The following UIMC1 variants were observed in gnomAD, a reference collection of about 807,000 sequenced individuals.
UIMC1 encodes the protein BRCA1-A complex subunit RAP80.
Under a neutral mutation model 84.9 loss-of-function variants are expected in UIMC1, and 42 were observed. The observed-to-expected ratio is 0.49, with a 90% CI of 0.39 to 0.64. The LOEUF (loss-of-function observed/expected upper bound fraction) is 0.64, where lower values mean the gene tolerates loss of function less well. Among genes scored for constraint, UIMC1 ranks in the 30% least tolerant of loss-of-function variants. The probability of loss-of-function intolerance (pLI) is 0.00; values close to 1 mark genes in which losing one functional copy is unlikely to be tolerated. For synonymous variants in UIMC1, 281 were observed against 293.0 expected (o/e 0.96, Z 0.42); for missense variants, 825 against 847.6 (o/e 0.97, Z 0.33).
chr5:177,008,179 G>A (rs539913390), upstream of UIMC1, among the ~76,000 whole-genome samples: 6 of 151,890 alleles, frequency 4.0e-5, no homozygotes, highest in Non-Finnish European at 8.8e-5. Context: ...ATCGAACGTG[G>A]AACTACAGGC....
At position 176,945,863 on chromosome 5, in the gene UIMC1, A is replaced by T. The variant is rs193192512; in HGVS notation, c.1444-2375T>A. Reference sequence around the variant, plus strand: ...GTTACTGCTGATTAATATCTTGCTAATCATAGGTTATGGAAAGATTGTGTT... The same window carrying T: ...GTTACTGCTGATTAATATCTTGCTATTCATAGGTTATGGAAAGATTGTGTT... On this transcript the variant is annotated intron_variant, in intron 9 of 14. Transcript: ENST00000511320. Among the ~76,000 whole-genome samples the T allele has an allele frequency of 9.1e-3, 1,385 of 152,304 alleles. 8 individuals carry two copies. The highest frequency in any genetic ancestry group is 0.025 in the South Asian group (121 of 4,826).
intron 6 of UIMC1, among the ~76,000 whole-genome samples, chr5:176,966,640 T>C (rs1054534553): frequency 6.6e-6 from 1 of 152,144 alleles, no homozygotes; most frequent in African/African-American, 2.4e-5. Flanking sequence ...AAATAAGATA[T>C]AAGCTTTCAT....
Position 176,951,486 on chromosome 5 carries a change from C to A in UIMC1, c.1431G>T (p.Met477Ile), listed in dbSNP as rs1765872445. 1.3e-6 allele frequency: 2 copies of A among 1,539,790 alleles called. No individual in the cohort carries two copies. Among genetic ancestry groups the A allele is most frequent in the Admixed American group, 2.1e-5 (1 of 48,030 alleles). The change falls in exon 9 of 15, where the codon ATG (methionine) becomes ATT (isoleucine). Residue 477 changes from methionine to isoleucine, a missense_variant. By Grantham distance (10) the Met-to-Ile change is conservative. Coordinates refer to ENST00000511320, the MANE Select transcript of UIMC1 (RefSeq NM_001199298.2). ...RDILDGVRII[M>I]ADKEVGNKED... ...GGAAAATATTCACCTCCTTATCTGCCATTATTATTCTGACTCCATCCAAGA... is the reference window on the plus strand; with the variant it reads ...GGAAAATATTCACCTCCTTATCTGCAATTATTATTCTGACTCCATCCAAGA...
In UIMC1 at chr5:176,969,203, G is replaced by A; in HGVS notation, c.552C>T (p.Asp184=). The A allele has an allele frequency of 6.2e-7, 1 of 1,614,186 alleles. No individual in the cohort carries two copies. The highest frequency in any genetic ancestry group is 8.5e-7 in the Non-Finnish European group (1 of 1,180,038). Residue 184 remains aspartate (D), a synonymous_variant, in exon 6 of 15, where the codon GAC becomes GAT. Transcript: ENST00000511320. The stretch of plus-strand genomic sequence containing the variant: ...GCTCCTCTTCAGTTTTTTCAGTGTG[G>A]TCCCAAGGCTCCTCTCTTTCCTCAG... ...NEAEEREEPW[D]HTEKTEEEPV...
At chr5:176,970,691 A>G (rs2149486341) in intron 4 of UIMC1, 51 bp downstream of exon 4, 1 of 1,613,002 alleles carries the variant, frequency 6.2e-7, no homozygotes, top group Non-Finnish European at 8.5e-7. Flanking sequence ...CACAGAAGTC[A>G]AAAATATAGC....
Position 176,969,997 on chromosome 5 carries a change from G to A in UIMC1, c.358-291C>T, listed in dbSNP as rs185246561. 2.2e-4 allele frequency: 61 copies of A among 272,676 alleles called. 1 individual carries two copies. In the East Asian group the frequency reaches 3.5e-3, roughly 16 times the overall value. The allele number at this position is 272,676 out of a possible 1,614,324, so 16.9% of individuals were successfully genotyped here. On this transcript the variant is annotated intron_variant, in intron 4 of 14. Coordinates refer to ENST00000511320, the MANE Select transcript of UIMC1 (RefSeq NM_001199298.2). ...CATTTAAAATCATTTCAGGCTGGGCGAGGTGGCTAATGCTTGTAATCCCAG... is the reference window on the plus strand; with the variant it reads ...CATTTAAAATCATTTCAGGCTGGGCAAGGTGGCTAATGCTTGTAATCCCAG...
intron 1 of UIMC1, among the ~76,000 whole-genome samples, chr5:177,013,379 C>T (rs1775600852): frequency 1.3e-5 from 2 of 151,550 alleles, no homozygotes; most frequent in East Asian, 1.9e-4. Flanking sequence ...CACACACACA[C>T]ACACACACAC....
intron 10 of UIMC1, among the ~76,000 whole-genome samples, chr5:176,912,884 T>C (rs1005858471): frequency 6.6e-6 from 1 of 152,174 alleles, no homozygotes; most frequent in Non-Finnish European, 1.5e-5. Flanking sequence ...GCCAGGCTGG[T>C]CTCAAACTCC....
At chr5:177,010,396 T>C (rs1250382181), upstream of UIMC1, among the ~76,000 whole-genome samples, 5 of 152,228 alleles carry the variant, frequency 3.3e-5, no homozygotes, top group African/African-American at 1.2e-4. Context: ...GAAAGATGAA[T>C]GATATGCTCA....
chr5:176,934,259 C>T lies in UIMC1; in HGVS notation c.1597+9076G>A, dbSNP rs572067505. ...TAAAATAATTTTATATAGAAAAAGA[C>T]ATATAAACACTTTAGAGGTATGAAC... On this transcript the variant is annotated intron_variant, in intron 10 of 14. Coordinates refer to ENST00000511320, the MANE Select transcript of UIMC1 (RefSeq NM_001199298.2). Among the ~76,000 whole-genome samples the T allele has an allele frequency of 3.2e-4, 48 of 152,122 alleles. 1 individual carries two copies. Among genetic ancestry groups the T allele is most frequent in the African/African-American group, 1.1e-3 (47 of 41,500 alleles).
At chr5:176,912,909 C>A (rs562690922) in intron 10 of UIMC1, among the ~76,000 whole-genome samples, 26 of 152,170 alleles carry the variant, frequency 1.7e-4, no homozygotes, top group Non-Finnish European at 2.9e-5. Context: ...CTCAGGTGAT[C>A]CACGTGCCTT....
intron 9 of UIMC1, among the ~76,000 whole-genome samples, chr5:176,948,524 C>CT (rs1765422140): frequency 6.6e-6 from 1 of 152,148 alleles, no homozygotes; most frequent in Non-Finnish European, 1.5e-5. Flanking sequence ...TCTGTGCTTC[C>CT]TTAATGCCCT....
intron 1 of UIMC1, among the ~76,000 whole-genome samples, chr5:177,003,919 C>T (rs1372804683): frequency 6.6e-6 from 1 of 152,136 alleles, no homozygotes; most frequent in Non-Finnish European, 1.5e-5. Context: ...GCCTCGACTT[C>T]CCAGGATCAG....
chr5:176,937,560 G>A (rs1241629904), intron 10 of UIMC1, among the ~76,000 whole-genome samples: 3 of 152,282 alleles, frequency 2.0e-5, no homozygotes, highest in South Asian at 4.1e-4. Flanking sequence ...AATAGACAAC[G>A]TCATTGAGCA....
Position 176,995,843 on chromosome 5 carries a change from CAAAAAAAAAAAA to C in UIMC1, c.-9+10795_-9+10806del, listed in dbSNP as rs34672103. 9.7e-3 allele frequency among the ~76,000 whole-genome samples: 775 copies of C among 79,638 alleles called. 14 individuals carry two copies. The highest frequency in any genetic ancestry group is 0.03 in the African/African-American group (635 of 21,010). 52.2% of individuals were successfully genotyped at this position (79,638 alleles called of 152,430 possible). Reference sequence around the variant, plus strand: ...GGGCAACAAGAGTGAAACTCCATCTCAAAAAAAAAAAAAAAAAAAAAGGAATATAAAGTGGTA... The same window carrying C: ...GGGCAACAAGAGTGAAACTCCATCTCAAAAAAAAAGGAATATAAAGTGGTA... On this transcript the variant is annotated intron_variant, in intron 1 of 14. Transcript: ENST00000511320.
exon 1 of UIMC1, chr5:177,022,552 G>C (rs1184514686): frequency 5.1e-6 from 3 of 593,312 alleles, no homozygotes; most frequent in Non-Finnish European, 8.3e-6. Flanking sequence ...ACAGGTTTCC[G>C]AATCCACGGC....
intron 9 of UIMC1, 81 bp from the exon 10 acceptor site, chr5:176,943,569 A>G: frequency 4.0e-6 from 6 of 1,501,476 alleles, no homozygotes; most frequent in South Asian, 1.3e-5. Context: ...ACTCCACCCC[A>G]TATTTCACTT....
chr5:176,994,218 A>T (rs1444506415), intron 1 of UIMC1, among the ~76,000 whole-genome samples: 3 of 152,054 alleles, frequency 2.0e-5, no homozygotes, highest in Non-Finnish European at 2.9e-5. Flanking sequence ...AAGAAAAAAT[A>T]AAAAAAGACA....
At chr5:176,905,550 G>T in intron 14 of UIMC1, 58 bp from the exon 15 acceptor site, 1 of 1,481,158 alleles carries the variant, frequency 6.8e-7, no homozygotes, top group Non-Finnish European at 9.3e-7. Flanking sequence ...TCAAGGACAT[G>T]CTATGCACTG....
Sources: allele counts gnomAD v4.1 joint callset (sites outside exome capture counted in the v4.1 genomes callset), GRCh38; gene constraint gnomAD v4.1.1; transcripts MANE v1.5; gene names NCBI Gene and HGNC (gene_info 2026-07-23, HGNC 2026-07-21).